Variants in EXOC5 observed in about 807,000 individuals in gnomAD.
EXOC5 encodes exocyst complex component 5.
In EXOC5, 17 loss-of-function variants were observed where a neutral mutation model predicts 90.8. The ratio of observed to expected loss-of-function variants is 0.19; its 90% CI spans 0.13 to 0.28. EXOC5 has a LOEUF of 0.28. Ranked by LOEUF, EXOC5 falls within the 10% of genes least tolerant of loss-of-function variation. The pLI is 1.00. For synonymous variants in EXOC5, 260 were observed against 270.0 expected (o/e 0.96, Z 0.36); for missense variants, 569 against 830.6 (o/e 0.69, Z 3.87).
At chr14:57,237,566 G>C (rs1594667519) in intron 5 of EXOC5, 200 bp from the exon 6 acceptor site, 1 of 462,176 alleles carries the variant, frequency 2.2e-6, no homozygotes, top group East Asian at 3.8e-5. Context: ...TCAGAGGAGA[G>C]AATTCTGATA....
intron 12 of EXOC5, among the ~76,000 whole-genome samples, chr14:57,225,524 A>G (rs1165240743): frequency 2.0e-5 from 3 of 152,182 alleles, no homozygotes; most frequent in Non-Finnish European, 2.9e-5. Flanking sequence ...ATTGGAAAAA[A>G]TAAGTAAAAC....
intron 1 of EXOC5, among the ~76,000 whole-genome samples, chr14:57,258,757 C>T (rs1884419545): frequency 6.6e-6 from 1 of 152,104 alleles, no homozygotes; most frequent in South Asian, 2.1e-4. Context: ...ACATAAATCC[C>T]TAATTAAATA....
intron 1 of EXOC5, 33 bp downstream of exon 1, chr14:57,268,589 C>G: frequency 1.3e-6 from 2 of 1,580,334 alleles, no homozygotes; most frequent in Non-Finnish European, 1.7e-6. Flanking sequence ...AAACCCCGGG[C>G]CTGCCACTCC....
chr14:57,217,518 G>A (rs1468375213), intron 15 of EXOC5, among the ~76,000 whole-genome samples: 1 of 151,990 alleles, frequency 6.6e-6, no homozygotes, highest in Non-Finnish European at 1.5e-5. Context: ...TTGTTTTGGG[G>A]TACCATACCC....
chr14:57,228,341 T>C (rs139323300), intron 12 of EXOC5, among the ~76,000 whole-genome samples: 1 of 152,262 alleles, frequency 6.6e-6, no homozygotes, highest in Non-Finnish European at 1.5e-5. Flanking sequence ...GACCCAGCAA[T>C]CTCATTACTG....
At chr14:57,247,246 T>C (rs1013213445) in intron 2 of EXOC5, among the ~76,000 whole-genome samples, 7 of 152,154 alleles carry the variant, frequency 4.6e-5, no homozygotes, top group African/African-American at 1.4e-4. Context: ...AAATGTACTA[T>C]ATAAAAATAA....
chr14:57,227,576 G>A (rs149479919), intron 12 of EXOC5, among the ~76,000 whole-genome samples: 4 of 152,178 alleles, frequency 2.6e-5, no homozygotes, highest in East Asian at 3.9e-4. Flanking sequence ...TCCCATTGGC[G>A]GTGTGTGACA....
Position 57,245,580 on chromosome 14 carries a change from T to C in EXOC5, c.270+1131A>G, listed in dbSNP as rs531860626. On this transcript the variant is annotated intron_variant, in intron 3 of 17. Transcript: ENST00000621441. ...TATTTAGAAACTGTCACCTTAACTC[T>C]TAAAAATGCATTCCTTATCTTAAAT... 7.2e-5 allele frequency among the ~76,000 whole-genome samples: 11 copies of C among 152,288 alleles called. No homozygotes were observed. The East Asian group carries it at 1.9e-3, about 27-fold the overall frequency.
chr14:57,219,549 A>C, intron 13 of EXOC5, 107 bp from the exon 14 acceptor site: 1 of 833,072 alleles, frequency 1.2e-6, no homozygotes, highest in Admixed American at 3.4e-5. Flanking sequence ...AATAAATGAC[A>C]CCGCTATTTT....
At chr14:57,228,290 T>C (rs980069289) in intron 12 of EXOC5, among the ~76,000 whole-genome samples, 6 of 152,100 alleles carry the variant, frequency 3.9e-5, no homozygotes, top group Non-Finnish European at 7.4e-5. Flanking sequence ...TGGAAGACAG[T>C]GTGATGATTC....
rs1295683972 is a variant in EXOC5, at chr14:57,207,214, T to C, written c.*1395A>G. 6.6e-6 allele frequency: 1 copy of C among 152,438 alleles called. No homozygotes were observed. The highest frequency in any genetic ancestry group is 1.5e-5 in the Non-Finnish European group (1 of 67,958). The allele number at this position is 152,438 out of a possible 1,614,324, so 9.4% of individuals were successfully genotyped here. A position where few individuals can be genotyped will look rare whatever the true frequency, so the allele number is the denominator to read the frequency against. ...TTAGCTCTGGACTTAGAAGGTTTGGTAAAGTTGATGACATTCAGAATAAGG... is the reference window on the plus strand; with the variant it reads ...TTAGCTCTGGACTTAGAAGGTTTGGCAAAGTTGATGACATTCAGAATAAGG... On this transcript the variant is annotated 3_prime_UTR_variant, in exon 18 of 18. Transcript: ENST00000621441.
intron 15 of EXOC5, among the ~76,000 whole-genome samples, chr14:57,215,410 T>C (rs1019523433): frequency 2.1e-4 from 26 of 126,026 alleles, no homozygotes; most frequent in Admixed American, 6.9e-5. Context: ...TGAATAAAGA[T>C]GTAAAAAAAA....
chr14:57,257,432 A>G (rs547255029), intron 1 of EXOC5, among the ~76,000 whole-genome samples: 1 of 152,322 alleles, frequency 6.6e-6, no homozygotes. Context: ...TCATCAACAT[A>G]TAGATGGTTA....
chr14:57,212,621 T>C (rs530173450), intron 15 of EXOC5, among the ~76,000 whole-genome samples: 10 of 152,342 alleles, frequency 6.6e-5, no homozygotes, highest in South Asian at 4.1e-4. Context: ...ATCAACATTA[T>C]AGACTTATTC....
At position 57,208,697 on chromosome 14, in the gene EXOC5, A is replaced by G; in HGVS notation, c.2039T>C (p.Leu680Pro). The G allele has an allele frequency of 6.2e-7, 1 of 1,612,726 alleles. No individual in the cohort carries two copies. Among genetic ancestry groups the G allele is most frequent in the South Asian group, 1.1e-5 (1 of 91,022 alleles). ...NLKQVCSGEQ[L>P]ANLDKNILHS... ...AAGTATATTCTTGTCCAGATTAGCA[A>G]GTTGTTCTCCTGAGCAGACTTGCTT... is the stretch of plus-strand genomic sequence containing the variant. Residue 680 changes from leucine to proline, a missense_variant, in exon 18 of 18, where the codon CTT becomes CCT. Around this residue, in one of 9 missense-constraint regions of EXOC5, gnomAD observed 122 missense variants for 180.0 expected, o/e 0.68. Coordinates refer to ENST00000621441, the MANE Select transcript of EXOC5 (RefSeq NM_006544.4).
rs1032409251 is a variant in EXOC5, at chr14:57,219,390, C to T, written c.1458G>A (p.Val486=). The change falls in exon 14 of 18, where the codon GTG becomes GTA. Residue 486 remains valine, a synonymous_variant. Transcript: ENST00000621441. ...GATGAAAAATAGTATTGGCCTGTTG[C>T]ACAACGTCCAAAAAATAAAGATTTG... is the stretch of plus-strand genomic sequence containing the variant. The part of the protein sequence containing the change: ...RNANLYFLDV[V]QQANTIFHLF... 5 of 1,558,302 alleles carry T rather than the reference C, an allele frequency of 3.2e-6. No homozygotes were observed. Among genetic ancestry groups the T allele is most frequent in the Non-Finnish European group, 3.5e-6 (4 of 1,147,004 alleles).
intron 11 of EXOC5, among the ~76,000 whole-genome samples, chr14:57,230,489 C>T (rs542377328): frequency 6.6e-6 from 1 of 151,956 alleles, no homozygotes; most frequent in Admixed American, 6.6e-5. Flanking sequence ...TTCCTCTTCC[C>T]TTCCTTGCTA....
intron 11 of EXOC5, among the ~76,000 whole-genome samples, chr14:57,230,176 T>A (rs971139959): frequency 2.0e-5 from 3 of 152,214 alleles, no homozygotes; most frequent in Admixed American, 1.3e-4. Flanking sequence ...GAAAGTGAGC[T>A]ATTCCAAATA....
chr14:57,262,653 T>C (rs545713434), intron 1 of EXOC5, among the ~76,000 whole-genome samples: 1 of 147,336 alleles, frequency 6.8e-6, no homozygotes, highest in African/African-American at 2.5e-5. Context: ...TATACATATA[T>C]ACATATATAC....
Sources: gnomAD v4.1 joint callset for allele counts (sites outside exome capture counted in the v4.1 genomes callset) on GRCh38, gnomAD v4.1.1 for gene constraint, gnomAD v4.1.1 regional missense constraint, MANE v1.5 for transcripts, NCBI Gene and HGNC (gene_info 2026-07-23, HGNC 2026-07-21) for gene names.